Variants in PPP5C observed in about 807,000 individuals in gnomAD.
PPP5C encodes the protein serine/threonine-protein phosphatase 5.
A neutral mutation model predicts 66.7 loss-of-function variants in PPP5C; 21 were observed. The observed-to-expected ratio is 0.31, with a 90% CI of 0.22 to 0.45. PPP5C has a LOEUF of 0.45. PPP5C is among the 20% of genes least tolerant of loss of function. The pLI is 1.00. For synonymous variants in PPP5C, 246 were observed against 257.4 expected (o/e 0.96, Z 0.43); for missense variants, 464 against 675.9 (o/e 0.69, Z 3.48).
intron 2 of PPP5C, among the ~76,000 whole-genome samples, chr19:46,374,733 T>G (rs914328432): frequency 1.3e-5 from 2 of 152,050 alleles, no homozygotes; most frequent in African/African-American, 4.8e-5. Context: ...ACGTGGAGTT[T>G]CCTTTCACCT....
At chr19:46,389,091 A>C (rs1231998235) in intron 11 of PPP5C, among the ~76,000 whole-genome samples, 1 of 152,098 alleles carries the variant, frequency 6.6e-6, no homozygotes, top group South Asian at 2.1e-4. Context: ...TGGGAGGCCG[A>C]GGTGGGCGGA....
In PPP5C at chr19:46,347,146, A is replaced by G; in HGVS notation, c.50A>G (p.Asp17Gly). Residue 17 changes from aspartate (D) to glycine (G), a missense_variant, in exon 1 of 13, where the codon GAC (aspartate) becomes GGC (glycine). Physicochemically the swap from Asp to Gly is moderately conservative, Grantham distance 94. Coordinates refer to ENST00000012443, the MANE Select transcript of PPP5C (RefSeq NM_006247.4). ...ACTGAGTGTGCTGAGCCCCCCCGGG[A>G]CGAACCCCCGGCTGATGGAGCTCTG... ...ERTECAEPPR[D>G]EPPADGALKR... 1 of 1,605,414 alleles carries G rather than the reference A, an allele frequency of 6.2e-7. No individual in the cohort carries two copies. The highest frequency in any genetic ancestry group is 2.2e-5 in the East Asian group (1 of 44,536).
chr19:46,383,812 T>C lies in PPP5C; in HGVS notation c.732T>C (p.His244=). ...TEKITVCGDT[H]GQFYDLLNIF... ...AGATTACAGTATGTGGGGACACCCA[T>C]GGCCAGTTCTATGACCTCCTCAACA... Residue 244 remains histidine (H), a synonymous_variant, in exon 6 of 13, where the codon CAT becomes CAC. Coordinates refer to ENST00000012443, the MANE Select transcript of PPP5C (RefSeq NM_006247.4). This position sits in a 1 kb window ranked among gnomAD's most constrained non-coding sequence, Gnocchi z 5.0. 1 of 1,613,852 alleles carries C rather than the reference T, an allele frequency of 6.2e-7. No homozygotes were observed. Among genetic ancestry groups the C allele is most frequent in the Non-Finnish European group, 8.5e-7 (1 of 1,179,844 alleles).
chr19:46,377,921 A>G (rs146082919), intron 4 of PPP5C, among the ~76,000 whole-genome samples: 9 of 152,332 alleles, frequency 5.9e-5, no homozygotes, highest in African/African-American at 1.9e-4. Flanking sequence ...TGTAGCTTTT[A>G]TAAGTATAAG....
At chr19:46,353,605 G>T in intron 1 of PPP5C, 143 bp from the exon 2 acceptor site, 1 of 1,253,720 alleles carries the variant, frequency 8.0e-7, no homozygotes. Flanking sequence ...CAGGCAGGAG[G>T]GGCAGGCTGA....
chr19:46,377,691 A>AT (rs1224023279), intron 4 of PPP5C, among the ~76,000 whole-genome samples: 2 of 152,048 alleles, frequency 1.3e-5, no homozygotes, highest in Admixed American at 6.5e-5. Context: ...CACTGATCTG[A>AT]TTTTTCACCA....
At position 46,376,251 on chromosome 19, in the gene PPP5C, G is replaced by C. The variant is rs927457912; in HGVS notation, c.512-202G>C. Among the ~76,000 whole-genome samples the C allele has an allele frequency of 6.6e-6, 1 of 152,110 alleles. No homozygotes were observed. The highest frequency in any genetic ancestry group is 2.4e-5 in the African/African-American group (1 of 41,418). On this transcript the variant is annotated intron_variant, in intron 3 of 12. Coordinates refer to ENST00000012443, the MANE Select transcript of PPP5C (RefSeq NM_006247.4). The surrounding 1 kb of genome is among the most constrained non-coding windows in gnomAD (Gnocchi z 5.1). ...TGCCATAAAACTGAATAGAGTAAAG[G>C]GGGGTGGGTGAAGGAAGACAGGGAG... is the stretch of plus-strand genomic sequence containing the variant.
intron 2 of PPP5C, among the ~76,000 whole-genome samples, chr19:46,373,580 GC>G (rs1972633862): frequency 6.9e-6 from 1 of 144,234 alleles, no homozygotes; most frequent in African/African-American, 2.5e-5. Context: ...TTCCCAGCCC[GC>G]CCACCCCTGG....
At chr19:46,381,305 C>T (rs750778062) in intron 4 of PPP5C, among the ~76,000 whole-genome samples, 2 of 152,142 alleles carry the variant, frequency 1.3e-5, no homozygotes, top group Non-Finnish European at 2.9e-5. Flanking sequence ...GTTATCTTAA[C>T]GTCTCTGTCT....
At chr19:46,348,666 G>A (rs1047779017) in intron 1 of PPP5C, among the ~76,000 whole-genome samples, 3 of 152,114 alleles carry the variant, frequency 2.0e-5, no homozygotes, top group African/African-American at 7.2e-5. Flanking sequence ...AGAAGAATTT[G>A]GGTGTGATCA....
intron 4 of PPP5C, among the ~76,000 whole-genome samples, chr19:46,381,124 G>A (rs965798741): frequency 1.3e-5 from 2 of 152,006 alleles, no homozygotes; most frequent in Admixed American, 6.6e-5. Flanking sequence ...CTGATTCTTT[G>A]TAACTGCTGT....
At chr19:46,364,195 A>T (rs113425354) in intron 2 of PPP5C, among the ~76,000 whole-genome samples, 40 of 151,942 alleles carry the variant, frequency 2.6e-4, no homozygotes, top group African/African-American at 9.2e-4. Context: ...GGCATCAAAA[A>T]ATATATATAT....
intron 2 of PPP5C, among the ~76,000 whole-genome samples, chr19:46,365,959 C>T (rs570587108): frequency 2.0e-5 from 3 of 152,252 alleles, no homozygotes; most frequent in Non-Finnish European, 2.9e-5. Flanking sequence ...CCCTGAAACT[C>T]GAATCCCTTG....
At chr19:46,365,426 T>C (rs1568568842) in intron 2 of PPP5C, among the ~76,000 whole-genome samples, 1 of 152,184 alleles carries the variant, frequency 6.6e-6, no homozygotes, top group African/African-American at 2.4e-5. Flanking sequence ...CTCCTATAAT[T>C]TTAGAATTTC....
intron 4 of PPP5C, among the ~76,000 whole-genome samples, chr19:46,377,109 C>T (rs1284437639): frequency 6.6e-6 from 1 of 152,168 alleles, no homozygotes; most frequent in Non-Finnish European, 1.5e-5. Context: ...TGCTGAGATC[C>T]ACCACCTCCT....
chr19:46,375,554 C>T (rs777046048), intron 2 of PPP5C, 50 bp from the exon 3 acceptor site: 1 of 1,604,406 alleles, frequency 6.2e-7, no homozygotes, highest in Non-Finnish European at 8.5e-7. Context: ...GGGGCAACCG[C>T]TGTGCCCCCA....
At chr19:46,389,609 C>A (rs916146426) in intron 11 of PPP5C, among the ~76,000 whole-genome samples, 1 of 152,028 alleles carries the variant, frequency 6.6e-6, no homozygotes, top group African/African-American at 2.4e-5. Flanking sequence ...CCTGTCTCTC[C>A]CCACCCGCAT....
At chr19:46,382,996 C>G (rs150187691) in intron 4 of PPP5C, 1 of 1,102,574 alleles carries the variant, frequency 9.1e-7, no homozygotes, top group South Asian at 1.8e-5. Flanking sequence ...ACCAGTGTTG[C>G]CTATGACCTG....
chr19:46,373,258 C>T (rs902626846), intron 2 of PPP5C, among the ~76,000 whole-genome samples: 9 of 152,214 alleles, frequency 5.9e-5, no homozygotes, highest in Admixed American at 2.0e-4. Context: ...CCCATCCCAG[C>T]GTGCATAGCG....
Sources: allele counts gnomAD v4.1 joint callset (sites outside exome capture counted in the v4.1 genomes callset), GRCh38; gene constraint gnomAD v4.1.1; non-coding constraint Gnocchi (gnomAD v3.1); transcripts MANE v1.5; gene names NCBI Gene and HGNC (gene_info 2026-07-23, HGNC 2026-07-21).